RPH3A: variants seen among roughly 807,000 people sequenced by gnomAD.
RPH3A encodes rabphilin 3A.
A neutral mutation model predicts 102.2 loss-of-function variants in RPH3A; 48 were observed. That is an observed-to-expected ratio of 0.47 (90% CI 0.37 to 0.60). The LOEUF is 0.60. RPH3A is among the 20% of genes least tolerant of loss of function. The probability of loss-of-function intolerance (pLI) is 0.00; values close to 1 mark genes in which losing one functional copy is unlikely to be tolerated. For synonymous variants in RPH3A, 310 were observed against 324.3 expected (o/e 0.96, Z 0.47); for missense variants, 781 against 910.1 (o/e 0.86, Z 1.83).
At chr12:112,592,719 G>T (rs1389720710) in intron 1 of RPH3A, among the ~76,000 whole-genome samples, 1 of 152,220 alleles carries the variant, frequency 6.6e-6, no homozygotes, top group Non-Finnish European at 1.5e-5. Flanking sequence ...TATCCTGTTT[G>T]TGTGCTGACT....
chr12:112,831,452 G>T (rs1381578217), intron 3 of RPH3A, among the ~76,000 whole-genome samples: 2 of 152,010 alleles, frequency 1.3e-5, no homozygotes, highest in Non-Finnish European at 2.9e-5. Flanking sequence ...CACTCTTAAC[G>T]ACATCTTAAT....
In RPH3A at chr12:112,808,100, C is replaced by T. The variant is rs144275495; in HGVS notation, c.-19+15837C>T. Among the ~76,000 whole-genome samples the T allele has an allele frequency of 4.6e-5, 7 of 152,264 alleles. No individual in the cohort carries two copies. In the East Asian group the frequency reaches 1.3e-3, roughly 29 times the overall value. ...TAATGATCTTTGCTCTTATTCAAAA[C>T]CTTACCCTCTCCCCAGATGACTCTA... On this transcript the variant is annotated intron_variant, in intron 2 of 21. Coordinates refer to ENST00000389385, the MANE Select transcript of RPH3A (RefSeq NM_001143854.2).
intron 1 of RPH3A, among the ~76,000 whole-genome samples, chr12:112,699,763 C>T (rs1489458215): frequency 6.6e-6 from 1 of 152,162 alleles, no homozygotes; most frequent in Non-Finnish European, 1.5e-5. Context: ...GCAAATTATA[C>T]CTCAATAAGG....
chr12:112,662,241 C>T (rs1458197568), intron 1 of RPH3A, among the ~76,000 whole-genome samples: 1 of 152,136 alleles, frequency 6.6e-6, no homozygotes, highest in East Asian at 1.9e-4. Context: ...GAGTGTTTCC[C>T]TGGCGTGTCT....
chr12:112,606,026 A>G (rs528307469), intron 1 of RPH3A, among the ~76,000 whole-genome samples: 2 of 152,348 alleles, frequency 1.3e-5, no homozygotes, highest in East Asian at 1.9e-4. Context: ...GGCGAGTGAT[A>G]TAATCTTCTA....
chr12:112,858,428 C>A (rs1380649808), intron 5 of RPH3A, among the ~76,000 whole-genome samples: 2 of 152,086 alleles, frequency 1.3e-5, no homozygotes, highest in African/African-American at 4.8e-5. Flanking sequence ...ATCTCTCCAG[C>A]CTCATCTCCC....
At chr12:112,821,420 C>T (rs543319493) in intron 2 of RPH3A, among the ~76,000 whole-genome samples, 2 of 152,256 alleles carry the variant, frequency 1.3e-5, no homozygotes, top group South Asian at 2.1e-4. Flanking sequence ...CCCCCACCAC[C>T]ACCACTCTGA....
At chr12:112,834,898 C>T (rs868498457) in intron 3 of RPH3A, among the ~76,000 whole-genome samples, 20 of 152,112 alleles carry the variant, frequency 1.3e-4, no homozygotes, top group Non-Finnish European at 1.3e-4. Context: ...CTTTCCTTTT[C>T]CATAACAGAG....
At chr12:112,596,628 G>T (rs1222070396) in intron 1 of RPH3A, among the ~76,000 whole-genome samples, 1 of 152,118 alleles carries the variant, frequency 6.6e-6, no homozygotes, top group African/African-American at 2.4e-5. Context: ...AATAACTATA[G>T]CTTTGAGTAA....
At chr12:112,607,199 T>C (rs936439516) in intron 1 of RPH3A, among the ~76,000 whole-genome samples, 1 of 152,224 alleles carries the variant, frequency 6.6e-6, no homozygotes, top group African/African-American at 2.4e-5. Context: ...CTTTCATTTG[T>C]AAAATGCATG....
At chr12:112,789,300 G>C (rs553326289), upstream of RPH3A, among the ~76,000 whole-genome samples, 1 of 152,190 alleles carries the variant, frequency 6.6e-6, no homozygotes, top group Non-Finnish European at 1.5e-5. Flanking sequence ...TTATGGACAA[G>C]TCAATTCTCG....
chr12:112,668,277 A>C (rs1161593081), intron 1 of RPH3A, among the ~76,000 whole-genome samples: 2 of 152,180 alleles, frequency 1.3e-5, no homozygotes, highest in Non-Finnish European at 2.9e-5. Flanking sequence ...AAATTTCTTT[A>C]AGATTGTTCA....
chr12:112,794,825 C>A (rs1207069284), intron 2 of RPH3A, among the ~76,000 whole-genome samples: 9 of 152,218 alleles, frequency 5.9e-5, no homozygotes, highest in Admixed American at 5.9e-4. Context: ...CATCCCCTCA[C>A]TCCTGGCTCC....
At chr12:112,854,272 G>A (rs1351762831) in intron 5 of RPH3A, among the ~76,000 whole-genome samples, 1 of 152,212 alleles carries the variant, frequency 6.6e-6, no homozygotes, top group East Asian at 1.9e-4. Context: ...GAGAACCACT[G>A]CTCTAGCCCT....
At chr12:112,688,346 A>G (rs1160730919) in intron 1 of RPH3A, among the ~76,000 whole-genome samples, 1 of 152,202 alleles carries the variant, frequency 6.6e-6, no homozygotes, top group Non-Finnish European at 1.5e-5. Context: ...GAGATGCTGT[A>G]TTCTAGGAGA....
intron 1 of RPH3A, among the ~76,000 whole-genome samples, chr12:112,615,873 G>A (rs1296224847): frequency 1.3e-5 from 2 of 152,118 alleles, no homozygotes; most frequent in Admixed American, 1.3e-4. Flanking sequence ...AAGAGAATCT[G>A]TGAAGCCCTT....
intron 16 of RPH3A, among the ~76,000 whole-genome samples, chr12:112,884,877 T>A (rs879518135): frequency 1.3e-5 from 2 of 152,254 alleles, no homozygotes; most frequent in Non-Finnish European, 2.9e-5. Flanking sequence ...CCCCTTCTTA[T>A]TGAATGCTCC....
chr12:112,595,150 A>G (rs1038822446), intron 1 of RPH3A, among the ~76,000 whole-genome samples: 1 of 98,368 alleles, frequency 1.0e-5, no homozygotes, highest in Non-Finnish European at 1.8e-5. Flanking sequence ...CCTGTAAAAT[A>G]AGGATAATAA....
At chr12:112,817,369 C>T (rs1016792976) in intron 2 of RPH3A, among the ~76,000 whole-genome samples, 6 of 152,094 alleles carry the variant, frequency 3.9e-5, no homozygotes, top group East Asian at 1.9e-4. Flanking sequence ...CTTCCCCATC[C>T]GTTCCTCCAT....
Sources: gnomAD v4.1 joint callset for allele counts (sites outside exome capture counted in the v4.1 genomes callset) on GRCh38, gnomAD v4.1.1 for gene constraint, MANE v1.5 for transcripts, NCBI Gene and HGNC (gene_info 2026-07-23, HGNC 2026-07-21) for gene names.